ABCA5: variants seen among roughly 807,000 people sequenced by gnomAD.
The protein encoded by ABCA5 is ATP binding cassette subfamily A member 5, also known as cholesterol transporter ABCA5.
Under a neutral mutation model 206.0 loss-of-function variants are expected in ABCA5, and 163 were observed. That is an observed-to-expected ratio of 0.79 (90% confidence interval 0.70 to 0.90). ABCA5 has a LOEUF of 0.90. Ranked by LOEUF, ABCA5 falls within the 40% of genes least tolerant of loss-of-function variation. The pLI, the probability that ABCA5 is intolerant of heterozygous loss-of-function variation, is 0.00. For synonymous variants in ABCA5, 609 were observed against 613.8 expected, an observed-to-expected ratio of 0.99 and a Z score of 0.11; for missense variants, 1,859 against 1,912.9, an observed-to-expected ratio of 0.97 and a Z score of 0.53.
At chr17:69,291,905 G>T (rs1401563407) in intron 11 of ABCA5, among the ~76,000 whole-genome samples, 1 of 152,070 alleles carries the variant, frequency 6.6e-6, no homozygotes, top group African/African-American at 2.4e-5. Context: ...TTGGGCCCAG[G>T]AGTTCGAGAC....
In ABCA5 at chr17:69,308,330, A is replaced by T; in HGVS notation, c.508T>A (p.Ser170Thr). The T allele has an allele frequency of 6.8e-6, 11 of 1,612,258 alleles. No individual in the cohort carries two copies. The highest frequency in any genetic ancestry group is 9.3e-6 in the Non-Finnish European group (11 of 1,178,716). Residue 170 changes from serine to threonine, a missense_variant, in exon 5 of 39, where the codon TCC (serine) becomes ACC (threonine). Coordinates refer to ENST00000392676, the MANE Select transcript of ABCA5 (RefSeq NM_172232.4). ...GCTTGTAAAACTGTGAAACCTGAGGACCAGTACTGAGCAGCCTCACATGAT... is the reference window on the plus strand; with the variant it reads ...GCTTGTAAAACTGTGAAACCTGAGGTCCAGTACTGAGCAGCCTCACATGAT... ...SKSCEAAQYW[S>T]SGFTVLQASI...
rs1236505873 is a variant in ABCA5, at chr17:69,261,766, G to A, written c.3316-18C>T. 8 of 1,133,156 alleles carry A rather than the reference G, an allele frequency of 7.1e-6. No individual in the cohort carries two copies. The highest frequency in any genetic ancestry group is 6.0e-5 in the Admixed American group (2 of 33,534). 70.2% of individuals were successfully genotyped at this position (1,133,156 alleles called of 1,614,324 possible). On this transcript the variant is annotated intron_variant, in intron 24 of 38. Coordinates refer to ENST00000392676, the MANE Select transcript of ABCA5 (RefSeq NM_172232.4). Reference sequence around the variant, plus strand: ...CAAAAAACCTGTAAATCAGAAATATGTTTCTATAAAAATATGAATAGCTTG... The same window carrying A: ...CAAAAAACCTGTAAATCAGAAATATATTTCTATAAAAATATGAATAGCTTG...
chr17:69,315,236 T>A (rs1230133424), intron 1 of ABCA5: 1 of 152,178 alleles, frequency 6.6e-6, no homozygotes, highest in South Asian at 2.1e-4. Context: ...GAAACTGAAC[T>A]AACAGACAGA....
intron 19 of ABCA5, among the ~76,000 whole-genome samples, chr17:69,276,385 A>G (rs817123): frequency 3.9e-5 from 6 of 152,166 alleles, no homozygotes; most frequent in African/African-American, 9.7e-5. Context: ...CCGAGCCCAG[A>G]TGGTATTTTA....
intron 1 of ABCA5, chr17:69,314,847 T>C (rs947772230): frequency 1.3e-5 from 2 of 154,362 alleles, no homozygotes; most frequent in South Asian, 2.0e-4. Context: ...AGCAATCCCA[T>C]GGTAACAGGG....
At position 69,313,106 on chromosome 17, in the gene ABCA5, T is replaced by C. The variant is rs774763764; in HGVS notation, c.293A>G (p.Asp98Gly). ...TSSIMQKVST[D>G]HLPDVIITEE... The stretch of plus-strand genomic sequence containing the variant: ...GCTCACAATACCATCAGGTAGATGA[T>C]CAGTAGACACTTTCTGCATGATGCT... Residue 98 changes from aspartate to glycine, a missense_variant, in exon 3 of 39, where the codon GAT becomes GGT. Transcript: ENST00000392676. 7 of 1,605,854 alleles carry C rather than the reference T, an allele frequency of 4.4e-6. No individual in the cohort carries two copies. The South Asian group carries it at 5.6e-5, about 13-fold the overall frequency.
chr17:69,311,980 C>T (rs1381747668), intron 3 of ABCA5, among the ~76,000 whole-genome samples: 1 of 151,990 alleles, frequency 6.6e-6, no homozygotes, highest in Non-Finnish European at 1.5e-5. Flanking sequence ...TAGAAATAGC[C>T]AGAGAAAGAA....
In ABCA5 at chr17:69,274,255, G is replaced by A. The variant is rs1007293975; in HGVS notation, c.2595-127C>T. 7.0e-6 allele frequency: 6 copies of A among 856,026 alleles called. No individual in the cohort carries two copies. In the African/African-American group the frequency reaches 1.0e-4, roughly 15 times the overall value. The allele number at this position is 856,026 out of a possible 1,614,324, so 53.0% of individuals were successfully genotyped here. A position where few individuals can be genotyped will look rare whatever the true frequency, so the allele number is the denominator to read the frequency against. ...TTTATTTGAGACAGGGTCTGGTTCTGTCACCCAGGCTGGAGTGTAATGGCA... is the reference window on the plus strand; with the variant it reads ...TTTATTTGAGACAGGGTCTGGTTCTATCACCCAGGCTGGAGTGTAATGGCA... On this transcript the variant is annotated intron_variant, in intron 19 of 38. Transcript: ENST00000392676.
intron 36 of ABCA5, 116 bp downstream of exon 36, chr17:69,250,354 GAT>G (rs147076066): frequency 8.3e-3 from 5,734 of 687,272 alleles, no homozygotes; most frequent in East Asian, 0.01. Context: ...CACACACAGA[GAT>G]ATATATATAT....
In ABCA5 at chr17:69,304,732, C is replaced by T. The variant is rs764905103; in HGVS notation, c.867G>A (p.Leu289=). 6.2e-7 allele frequency: 1 copy of T among 1,609,386 alleles called. No homozygotes were observed. Among genetic ancestry groups the T allele is most frequent in the Non-Finnish European group, 8.5e-7 (1 of 1,177,556 alleles). Residue 289 remains leucine (L), a synonymous_variant, in exon 7 of 39, where the codon TTG becomes TTA. Transcript: ENST00000392676. Reference sequence around the variant, plus strand: ...CAATGCTGCTACTTTGAGGAAATAACAAAGAAGCTGTCGCAATGACTGCCA... The same window carrying T: ...CAATGCTGCTACTTTGAGGAAATAATAAAGAAGCTGTCGCAATGACTGCCA... ...LLMAVIATAS[L]LFPQSSSIVI...
At chr17:69,277,011 A>G (rs148092266) in intron 19 of ABCA5, among the ~76,000 whole-genome samples, 2,573 of 152,216 alleles carry the variant, frequency 0.017, 72 homozygotes, top group African/African-American at 0.058. Flanking sequence ...TTTGGACTTA[A>G]CAAGATAGGT....
chr17:69,269,695 C>T (rs1598162378), intron 22 of ABCA5, among the ~76,000 whole-genome samples: 1 of 152,272 alleles, frequency 6.6e-6, no homozygotes, highest in East Asian at 1.9e-4. Context: ...TTCACATAAA[C>T]ATTCCATACA....
intron 4 of ABCA5, among the ~76,000 whole-genome samples, 155 bp downstream of exon 4, chr17:69,309,107 A>G (rs1189506654): frequency 6.6e-6 from 1 of 152,198 alleles, no homozygotes; most frequent in Non-Finnish European, 1.5e-5. Context: ...ATTTATAAAT[A>G]AATATTTTTA....
intron 34 of ABCA5, 122 bp from the exon 35 acceptor site, chr17:69,251,988 T>A: frequency 1.1e-6 from 1 of 904,434 alleles, no homozygotes; most frequent in Non-Finnish European, 1.7e-6. Context: ...TATCAATTGC[T>A]ATGGCTATTA....
chr17:69,297,052 A>T, intron 10 of ABCA5, 139 bp downstream of exon 10: 1 of 789,204 alleles, frequency 1.3e-6, no homozygotes, highest in Non-Finnish European at 1.9e-6. Flanking sequence ...AAAAGAGAAA[A>T]GTAGCCCTTA....
intron 5 of ABCA5, 110 bp from the exon 6 acceptor site, chr17:69,307,064 A>G (rs1306308573): frequency 1.8e-6 from 1 of 541,458 alleles, no homozygotes; most frequent in Non-Finnish European, 2.9e-6. Flanking sequence ...GTACAAATAC[A>G]ATCCTCAAAA....
At chr17:69,258,260 A>T (rs1349646752) in intron 28 of ABCA5, among the ~76,000 whole-genome samples, 1 of 152,148 alleles carries the variant, frequency 6.6e-6, no homozygotes, top group Non-Finnish European at 1.5e-5. Flanking sequence ...GCAAAGTCAT[A>T]GAACCAACCT....
rs928256620 is a variant in ABCA5 at position 69,323,553 on chromosome 17, C to T, written c.-16+3499G>A. Reference sequence around the variant, plus strand: ...CATTGACATGGAGCTGATTATCACTCCTTTGTTTTACCTCTATACCCAGTA... The same window carrying T: ...CATTGACATGGAGCTGATTATCACTTCTTTGTTTTACCTCTATACCCAGTA... On this transcript the variant is annotated intron_variant, in intron 1 of 38. Transcript: ENST00000392676. Among the ~76,000 whole-genome samples the T allele has an allele frequency of 3.3e-5, 5 of 152,152 alleles. No homozygotes were observed. The South Asian group carries it at 1.0e-3, about 32-fold the overall frequency.
chr17:69,267,398 A>C (rs2094663663), intron 23 of ABCA5, among the ~76,000 whole-genome samples: 1 of 152,214 alleles, frequency 6.6e-6, no homozygotes, highest in Non-Finnish European at 1.5e-5. Flanking sequence ...GGAAAACAAA[A>C]GGGAAAGGCG....
Sources: allele counts gnomAD v4.1 joint callset (sites outside exome capture counted in the v4.1 genomes callset), GRCh38; gene constraint gnomAD v4.1.1; transcripts MANE v1.5; gene names NCBI Gene and HGNC (gene_info 2026-07-23, HGNC 2026-07-21).